DACH2: variants seen among roughly 807,000 people sequenced by gnomAD.
The protein encoded by DACH2 is dachshund homolog 2.
In DACH2, 17 loss-of-function variants were observed where a neutral mutation model predicts 35.8. The observed-to-expected ratio is 0.48, with a 90% CI of 0.33 to 0.71. The LOEUF (loss-of-function observed/expected upper bound fraction) is 0.71. DACH2 is among the 30% of genes least tolerant of loss of function. The pLI is 0.02. For synonymous variants in DACH2, 195 were observed against 177.3 expected, an observed-to-expected ratio of 1.10 and a Z score of -0.79; for missense variants, 469 against 472.7, an observed-to-expected ratio of 0.99 and a Z score of 0.07.
Position 86,663,748 on chromosome X carries a change from G to A in DACH2, c.772+12581G>A, listed in dbSNP as rs779783533. 8.9e-5 allele frequency among the ~76,000 whole-genome samples: 10 copies of A among 111,787 alleles called. No individual in the cohort carries two copies. The South Asian group carries it at 1.8e-3, about 21-fold the overall frequency. ...TTCCTTCACAAGGATCATTCTCCAT[G>A]TGGAATTTGACACCATGTCCGCTTA... On this transcript the variant is annotated intron_variant, in intron 4 of 11. Transcript: ENST00000373125.
At chrX:86,435,510 T>C (rs188061742) in intron 2 of DACH2, among the ~76,000 whole-genome samples, 1 of 111,961 alleles carries the variant, frequency 8.9e-6, no homozygotes, top group East Asian at 2.8e-4. Context: ...GACTTAAAAA[T>C]ATTATGATCC....
chrX:86,615,319 G>A (rs114990026), intron 3 of DACH2, among the ~76,000 whole-genome samples: 3 of 111,540 alleles, frequency 2.7e-5, no homozygotes, highest in Non-Finnish European at 5.7e-5. Flanking sequence ...TGACAACACT[G>A]TGAATGAATA....
At chrX:86,684,728 T>C (rs2040922147) in intron 4 of DACH2, among the ~76,000 whole-genome samples, 1 of 110,450 alleles carries the variant, frequency 9.1e-6, no homozygotes, top group Non-Finnish European at 1.9e-5. Flanking sequence ...TTTTTAAAAA[T>C]TTTCTGATTG....
At chrX:86,149,862 C>T (rs1438749647) in intron 1 of DACH2, among the ~76,000 whole-genome samples, 2 of 111,957 alleles carry the variant, frequency 1.8e-5, no homozygotes, top group Non-Finnish European at 3.8e-5. Flanking sequence ...GGGGCATGAA[C>T]CACTGTGGCT....
chrX:86,444,949 A>G (rs1245681124), intron 2 of DACH2, among the ~76,000 whole-genome samples: 1 of 111,242 alleles, frequency 9.0e-6, no homozygotes, highest in Non-Finnish European at 1.9e-5. Context: ...GATATAACAT[A>G]ATTTATATCA....
intron 3 of DACH2, among the ~76,000 whole-genome samples, chrX:86,563,218 G>A (rs1372027167): frequency 9.1e-6 from 1 of 109,955 alleles, no homozygotes; most frequent in Non-Finnish European, 1.9e-5. Flanking sequence ...CAAAATAGTA[G>A]GGAGTTTTAA....
chrX:86,280,941 A>T (rs1005167628), intron 1 of DACH2, among the ~76,000 whole-genome samples: 7 of 111,792 alleles, frequency 6.3e-5, no homozygotes, highest in African/African-American at 2.3e-4. Flanking sequence ...GAGCACCCAG[A>T]TTCATAAAGC....
intron 6 of DACH2, among the ~76,000 whole-genome samples, chrX:86,725,714 G>C (rs757139132): frequency 3.8e-4 from 42 of 111,233 alleles, no homozygotes; most frequent in Admixed American, 2.1e-3. Flanking sequence ...CTGGACTGCT[G>C]GTGTGGTGTG....
chrX:86,234,388 A>T (rs1389399900), intron 1 of DACH2, among the ~76,000 whole-genome samples: 1 of 111,417 alleles, frequency 9.0e-6, no homozygotes. Flanking sequence ...AATACTCAAT[A>T]TTCTCTAAAC....
At chrX:86,526,443 A>T (rs1267839317) in intron 3 of DACH2, among the ~76,000 whole-genome samples, 1 of 111,698 alleles carries the variant, frequency 9.0e-6, no homozygotes, top group East Asian at 2.9e-4. Context: ...TGTAGTGGTG[A>T]AAATGTTTTC....
In DACH2 at chrX:86,294,118, C is replaced by T. The variant is rs1056106928; in HGVS notation, c.489-82706C>T. ...TCCCATATTTCTTGGAGGCTTTGCT[C>T]GTTTCTTTTTATTCTTTTTTCTCTA... On this transcript the variant is annotated intron_variant, in intron 1 of 11. Coordinates refer to ENST00000373125, the MANE Select transcript of DACH2 (RefSeq NM_053281.3). Among the ~76,000 whole-genome samples, 5 of 111,212 alleles carry T rather than the reference C, an allele frequency of 4.5e-5. No homozygotes were observed. In the South Asian group the frequency reaches 1.1e-3, roughly 25 times the overall value.
At chrX:86,505,612 A>G (rs1431705241) in intron 2 of DACH2, among the ~76,000 whole-genome samples, 1 of 97,402 alleles carries the variant, frequency 1.0e-5, no homozygotes, top group Non-Finnish European at 2.0e-5. Flanking sequence ...ATGTGTCAGG[A>G]TTCCCTTCCT....
At chrX:86,441,869 GTATA>G (rs113721694) in intron 2 of DACH2, among the ~76,000 whole-genome samples, 61 of 98,167 alleles carry the variant, frequency 6.2e-4, no homozygotes, top group African/African-American at 1.7e-3. Flanking sequence ...GTGTGTGTGT[GTATA>G]TATATATATA....
intron 2 of DACH2, among the ~76,000 whole-genome samples, chrX:86,466,392 G>A (rs1377423044): frequency 9.1e-6 from 1 of 110,153 alleles, no homozygotes; most frequent in Non-Finnish European, 1.9e-5. Flanking sequence ...CAACATGTAG[G>A]TATTGTGGGA....
chrX:86,527,923 T>G (rs2038657156), intron 3 of DACH2, among the ~76,000 whole-genome samples: 1 of 112,184 alleles, frequency 8.9e-6, no homozygotes, highest in African/African-American at 3.2e-5. Flanking sequence ...TACTGTCTCC[T>G]GTCTAGAAGC....
At chrX:86,243,810 C>G (rs1036467303) in intron 1 of DACH2, among the ~76,000 whole-genome samples, 27 of 111,619 alleles carry the variant, frequency 2.4e-4, no homozygotes, top group African/African-American at 8.8e-4. Flanking sequence ...ATAGACTATT[C>G]AATCAGGTCA....
intron 2 of DACH2, among the ~76,000 whole-genome samples, chrX:86,488,288 A>G (rs2038046935): frequency 9.0e-6 from 1 of 111,668 alleles, no homozygotes; most frequent in Admixed American, 9.6e-5. Flanking sequence ...TTCCCTAGCA[A>G]ACTGTGTGAT....
intron 4 of DACH2, among the ~76,000 whole-genome samples, chrX:86,656,417 C>A (rs1373536989): frequency 9.0e-6 from 1 of 110,998 alleles, no homozygotes; most frequent in African/African-American, 3.3e-5. Context: ...AATCACACAG[C>A]TAGGTAGTGA....
intron 1 of DACH2, among the ~76,000 whole-genome samples, chrX:86,172,879 C>T (rs1173800097): frequency 9.0e-6 from 1 of 111,661 alleles, no homozygotes; most frequent in Non-Finnish European, 1.9e-5. Context: ...TGAATGGAGA[C>T]TCAATTCCAC....
Sources: allele counts gnomAD v4.1 joint callset (sites outside exome capture counted in the v4.1 genomes callset), GRCh38; gene constraint gnomAD v4.1.1; transcripts MANE v1.5; gene names NCBI Gene and HGNC (gene_info 2026-07-23, HGNC 2026-07-21).